Variants in KLHL4 observed in about 807,000 individuals in gnomAD.
The protein encoded by KLHL4 is kelch-like protein 4.
A neutral mutation model predicts 45.8 loss-of-function variants in KLHL4; 17 were observed. The ratio of observed to expected loss-of-function variants is 0.37; its 90% CI spans 0.25 to 0.56. KLHL4 has a LOEUF of 0.56. KLHL4 is among the 20% of genes least tolerant of loss of function. KLHL4 has a pLI of 0.79. For synonymous variants in KLHL4, 224 were observed against 189.9 expected (o/e 1.18, Z -1.47); for missense variants, 544 against 544.9 (o/e 1.00, Z 0.02).
chrX:87,648,769 G>T (rs1185859750), intron 9 of KLHL4, among the ~76,000 whole-genome samples: 2 of 111,170 alleles, frequency 1.8e-5, no homozygotes, highest in African/African-American at 6.5e-5. Context: ...TCAATGACTG[G>T]CTCTCTAGCA....
chrX:87,587,150 C>CAAAAAAAAAAAAA (rs1197848253), intron 1 of KLHL4, among the ~76,000 whole-genome samples: 5 of 47,828 alleles, frequency 1.0e-4, no homozygotes, highest in Admixed American at 3.0e-4. Context: ...TAAAATAAAG[C>CAAAAAAAAAAAAA]AAAAAAAAAA....
intron 1 of KLHL4, among the ~76,000 whole-genome samples, chrX:87,588,821 A>G (rs752740273): frequency 5.6e-5 from 6 of 107,360 alleles, no homozygotes; most frequent in East Asian, 3.0e-4. Flanking sequence ...GAAGGAGAGG[A>G]AGAGGAAGAG....
At position 87,648,236 on chromosome X, in the gene KLHL4, T is replaced by C. The variant is rs139277550; in HGVS notation, c.1925+12461T>C. The stretch of plus-strand genomic sequence containing the variant: ...TTAACCTAAGACCAAATGACAAATT[T>C]ACAGTAAGGTGAGCATAATTTTGGA... On this transcript the variant is annotated intron_variant, in intron 9 of 10. Coordinates refer to ENST00000373119, the MANE Select transcript of KLHL4 (RefSeq NM_019117.5). Among the ~76,000 whole-genome samples, 395 of 111,385 alleles carry C rather than the reference T, an allele frequency of 3.5e-3. 2 individuals are homozygous for C. The highest frequency in any genetic ancestry group is 3.7e-3 in the Non-Finnish European group (195 of 52,919).
At chrX:87,598,910 GC>G (rs1312560728) in intron 1 of KLHL4, among the ~76,000 whole-genome samples, 2 of 110,413 alleles carry the variant, frequency 1.8e-5, no homozygotes, top group African/African-American at 6.6e-5. Flanking sequence ...AATATTTTAT[GC>G]AATGGAAAAT....
chrX:87,587,355 G>A (rs1921513422), intron 1 of KLHL4, among the ~76,000 whole-genome samples: 1 of 110,490 alleles, frequency 9.1e-6, no homozygotes, highest in East Asian at 2.8e-4. Context: ...AAGGAAAGTA[G>A]GGGCCAATAT....
intron 1 of KLHL4, among the ~76,000 whole-genome samples, chrX:87,585,823 T>C (rs1921452021): frequency 9.0e-6 from 1 of 110,661 alleles, no homozygotes; most frequent in Non-Finnish European, 1.9e-5. Context: ...TCAAAAGACA[T>C]AGACTGGCTG....
chrX:87,648,736 GTAGCACTTTAA>G (rs1220350235), intron 9 of KLHL4, among the ~76,000 whole-genome samples: 3 of 111,511 alleles, frequency 2.7e-5, no homozygotes, highest in Admixed American at 9.6e-5. Context: ...ATTCTGATCT[GTAGCACTTTAA>G]AAACTTTATT....
intron 6 of KLHL4, 116 bp downstream of exon 6, chrX:87,625,912 A>T: frequency 3.7e-6 from 2 of 539,019 alleles, no homozygotes; most frequent in Non-Finnish European, 5.8e-6. Flanking sequence ...AATTTTCATA[A>T]ATAGGGTGCA....
chrX:87,595,459 C>A (rs1921812920), intron 1 of KLHL4, among the ~76,000 whole-genome samples: 1 of 111,623 alleles, frequency 9.0e-6, no homozygotes, highest in Admixed American at 9.5e-5. Context: ...TTGAAAAATG[C>A]CATTAGTTGA....
intron 1 of KLHL4, among the ~76,000 whole-genome samples, chrX:87,537,105 A>G (rs1311057782): frequency 9.0e-6 from 1 of 111,634 alleles, no homozygotes; most frequent in African/African-American, 3.2e-5. Context: ...AGAACAAAGA[A>G]CAATGCTCAC....
At chrX:87,651,508 A>G (rs1923811550) in intron 9 of KLHL4, among the ~76,000 whole-genome samples, 1 of 112,676 alleles carries the variant, frequency 8.9e-6, no homozygotes, top group Non-Finnish European at 1.9e-5. Context: ...TGGTACAGGC[A>G]TTGAGTAAAT....
intron 1 of KLHL4, among the ~76,000 whole-genome samples, chrX:87,525,868 A>C (rs1355180050): frequency 9.0e-6 from 1 of 111,545 alleles, no homozygotes; most frequent in East Asian, 2.8e-4. Context: ...TATCACTATT[A>C]GTCACTATGA....
chrX:87,565,809 C>A (rs1276836353), intron 1 of KLHL4, among the ~76,000 whole-genome samples: 1 of 108,635 alleles, frequency 9.2e-6, no homozygotes, highest in Non-Finnish European at 1.9e-5. Flanking sequence ...TTTTAGGTAT[C>A]CTAGATGAGA....
chrX:87,625,292 G>A (rs1041209739), intron 5 of KLHL4, among the ~76,000 whole-genome samples: 3 of 111,546 alleles, frequency 2.7e-5, no homozygotes, highest in African/African-American at 9.8e-5. Context: ...CTACATTTCG[G>A]TTTGCTCAAG....
At chrX:87,546,921 G>A (rs1456607287) in intron 1 of KLHL4, among the ~76,000 whole-genome samples, 1 of 112,670 alleles carries the variant, frequency 8.9e-6, no homozygotes, top group African/African-American at 3.2e-5. Context: ...TTTGCAAGGG[G>A]AGCATTTATT....
chrX:87,560,953 GA>G (rs1039649748), intron 1 of KLHL4, among the ~76,000 whole-genome samples: 4 of 111,145 alleles, frequency 3.6e-5, no homozygotes, highest in Non-Finnish European at 5.7e-5. Context: ...TCCACATGCA[GA>G]AGAATGAAAC....
chrX:87,543,186 A>G (rs1931599127), intron 1 of KLHL4, among the ~76,000 whole-genome samples: 1 of 111,442 alleles, frequency 9.0e-6, no homozygotes, highest in South Asian at 3.8e-4. Context: ...TCTTTTGTTT[A>G]TGAATGACCA....
In KLHL4 at chrX:87,577,331, T is replaced by C. The variant is rs545815915; in HGVS notation, c.423-36546T>C. Among the ~76,000 whole-genome samples, 17 of 112,199 alleles carry C rather than the reference T, an allele frequency of 1.5e-4. No homozygotes were observed. The South Asian group carries it at 6.2e-3, about 41-fold the overall frequency. On this transcript the variant is annotated intron_variant, in intron 1 of 10. Transcript: ENST00000373119. ...CTTATTTTCACATAGCTCTAGTATA[T>C]CAGCTTTGAAAACAAAAGACATCGT...
intron 10 of KLHL4, among the ~76,000 whole-genome samples, chrX:87,665,485 A>G (rs1307385006): frequency 1.8e-5 from 2 of 111,175 alleles, no homozygotes; most frequent in African/African-American, 6.5e-5. Context: ...AAACCTCTCA[A>G]AAGTGCTGGG....
Sources: gnomAD v4.1 joint callset for allele counts (sites outside exome capture counted in the v4.1 genomes callset) on GRCh38, gnomAD v4.1.1 for gene constraint, MANE v1.5 for transcripts, NCBI Gene and HGNC (gene_info 2026-07-23, HGNC 2026-07-21) for gene names.